The following BRSK2 variants were observed in gnomAD, a reference collection of about 807,000 sequenced individuals.
BRSK2 encodes the protein serine/threonine-protein kinase BRSK2.
Under a neutral mutation model 83.3 loss-of-function variants are expected in BRSK2, and 19 were observed. The ratio of observed to expected loss-of-function variants is 0.23; its 90% CI spans 0.16 to 0.33. BRSK2 has a LOEUF of 0.33. Ranked by LOEUF, BRSK2 falls within the 10% of genes least tolerant of loss-of-function variation. The probability of loss-of-function intolerance (pLI) is 1.00; values close to 1 mark genes in which losing one functional copy is unlikely to be tolerated. For synonymous variants in BRSK2, 519 were observed against 435.4 expected, an observed-to-expected ratio of 1.19 and a Z score of -2.39; for missense variants, 798 against 1,042.3, an observed-to-expected ratio of 0.77 and a Z score of 3.23.
chr11:1,408,072 T>C (rs1847031324), intron 1 of BRSK2, among the ~76,000 whole-genome samples: 2 of 152,174 alleles, frequency 1.3e-5, no homozygotes, highest in African/African-American at 4.8e-5. Context: ...AATCCACCTT[T>C]GAGCCCCATA....
At chr11:1,447,655 C>G in intron 12 of BRSK2, 2 of 768,148 alleles carry the variant, frequency 2.6e-6, no homozygotes, top group Admixed American at 4.1e-5. Context: ...TGCTGTCTGG[C>G]CCAGCCTCCT....
At chr11:1,434,164 C>G (rs988017385) in intron 1 of BRSK2, among the ~76,000 whole-genome samples, 1 of 152,248 alleles carries the variant, frequency 6.6e-6, no homozygotes, top group African/African-American at 2.4e-5. Context: ...AGCACACCCA[C>G]ACGGTCAGTA....
intron 18 of BRSK2, among the ~76,000 whole-genome samples, chr11:1,458,527 C>G (rs908735247): frequency 2.0e-5 from 3 of 152,186 alleles, no homozygotes; most frequent in African/African-American, 7.2e-5. Context: ...AGGTGGCTAG[C>G]CAGCAGGGGG....
intron 1 of BRSK2, among the ~76,000 whole-genome samples, chr11:1,413,774 C>A (rs574524573): frequency 6.6e-6 from 1 of 152,348 alleles, no homozygotes; most frequent in Non-Finnish European, 1.5e-5. Context: ...CACCCCCACT[C>A]CATCAGCCCC....
At chr11:1,404,035 C>G (rs1350929897) in intron 1 of BRSK2, among the ~76,000 whole-genome samples, 1 of 152,188 alleles carries the variant, frequency 6.6e-6, no homozygotes, top group Non-Finnish European at 1.5e-5. Flanking sequence ...TCCTGGGCTT[C>G]GCTCTTTGAC....
intron 1 of BRSK2, 63 bp from the exon 2 acceptor site, chr11:1,435,977 C>A: frequency 3.1e-6 from 4 of 1,310,330 alleles, no homozygotes; most frequent in Non-Finnish European, 4.3e-6. Context: ...CCTGCACTGT[C>A]CGGCTGGGTG....
chr11:1,423,103 T>A lies in BRSK2; in HGVS notation c.92-12937T>A, dbSNP rs1848790135. On this transcript the variant is annotated intron_variant, in intron 1 of 19. Transcript: ENST00000528841. This position sits in a 1 kb window ranked among gnomAD's most constrained non-coding sequence, Gnocchi z 6.5. The stretch of plus-strand genomic sequence containing the variant: ...AATGTCCAGGTACCTCCAGGCCCCA[T>A]GCACCCAGGACCTCCCCAAGAGCTG... Among the ~76,000 whole-genome samples the A allele has an allele frequency of 1.3e-5, 2 of 152,160 alleles. No individual in the cohort carries two copies. The highest frequency in any genetic ancestry group is 2.9e-5 in the Non-Finnish European group (2 of 68,028).
At chr11:1,411,632 A>T in intron 1 of BRSK2, 1 of 1,546,100 alleles carries the variant, frequency 6.5e-7, no homozygotes. Context: ...CCAGCCCAGC[A>T]GGTGCGTGCC....
At chr11:1,446,905 G>A (rs1432715989) in intron 12 of BRSK2, among the ~76,000 whole-genome samples, 1 of 152,146 alleles carries the variant, frequency 6.6e-6, no homozygotes, top group Non-Finnish European at 1.5e-5. Context: ...GATGTGGGGG[G>A]TGGGACAGGC....
intron 2 of BRSK2, among the ~76,000 whole-genome samples, chr11:1,437,918 A>G (rs994381633): frequency 6.6e-6 from 1 of 152,084 alleles, no homozygotes; most frequent in Non-Finnish European, 1.5e-5. Context: ...CCCAGTCCTC[A>G]GCCCTACAGG....
Position 1,438,404 on chromosome 11 carries a change from G to C in BRSK2, c.272+13G>C, listed in dbSNP as rs771096938. ...ACAAAAAATATTTGTAGGTATTGCT[G>C]GGTCTGAAGAGCTGGGGTGGCGGAG... On this transcript the variant is annotated intron_variant, in intron 3 of 19. Transcript: ENST00000528841. The surrounding 1 kb of genome is among the most constrained non-coding windows in gnomAD (Gnocchi z 6.4). 5.0e-6 allele frequency: 8 copies of C among 1,612,710 alleles called. No individual in the cohort carries two copies. The highest frequency in any genetic ancestry group is 6.8e-6 in the Non-Finnish European group (8 of 1,178,960).
intron 19 of BRSK2, among the ~76,000 whole-genome samples, chr11:1,459,960 G>A (rs569161080): frequency 6.6e-6 from 1 of 152,266 alleles, no homozygotes; most frequent in South Asian, 2.1e-4. Context: ...TCATCCACTG[G>A]GCCTCATGCA....
At chr11:1,411,056 A>C in intron 1 of BRSK2, 1 of 1,091,952 alleles carries the variant, frequency 9.2e-7, no homozygotes, top group Non-Finnish European at 1.1e-6. Flanking sequence ...CAACAGATGG[A>C]GATTTGGCAG....
In BRSK2 at chr11:1,423,542, C is replaced by T. The variant is rs1223621935; in HGVS notation, c.92-12498C>T. Among the ~76,000 whole-genome samples, 2 of 152,122 alleles carry T rather than the reference C, an allele frequency of 1.3e-5. No homozygotes were observed. The highest frequency in any genetic ancestry group is 3.9e-4 in the East Asian group (2 of 5,188). On this transcript the variant is annotated intron_variant, in intron 1 of 19. Transcript: ENST00000528841. The surrounding 1 kb of genome is among the most constrained non-coding windows in gnomAD (Gnocchi z 6.5). ...GTGAGCAGAGGACGGCACTCGCGAG[C>T]TCCCTGGGGCTCCTCAGACCCGGTC... is the stretch of plus-strand genomic sequence containing the variant.
At chr11:1,411,499 G>A (rs1422757035) in intron 1 of BRSK2, 2 of 1,495,814 alleles carry the variant, frequency 1.3e-6, no homozygotes, top group Non-Finnish European at 1.8e-6. Flanking sequence ...CCCAGGTCTG[G>A]CCCAGCGGTG....
intron 13 of BRSK2, 36 bp from the exon 14 acceptor site, chr11:1,450,551 A>G: frequency 8.1e-7 from 1 of 1,240,380 alleles, no homozygotes; most frequent in South Asian, 1.4e-5. Context: ...ACCCGCCGGG[A>G]TTGAACCAAA....
intron 1 of BRSK2, among the ~76,000 whole-genome samples, chr11:1,424,738 G>A (rs923007606): frequency 3.1e-5 from 2 of 63,894 alleles, no homozygotes; most frequent in Non-Finnish European, 6.3e-5. Flanking sequence ...AGAGGGAGTC[G>A]GGGGGGCCAG....
Position 1,390,364 on chromosome 11 carries a change from A to C in BRSK2, c.80A>C (p.Lys27Thr). 1 of 1,019,176 alleles carries C rather than the reference A, an allele frequency of 9.8e-7. No individual in the cohort carries two copies. The highest frequency in any genetic ancestry group is 9.3e-5 in the East Asian group (1 of 10,786). 63.1% of individuals were successfully genotyped at this position (1,019,176 alleles called of 1,614,324 possible). ...GPYRLEKTLG[K>T]GQTGLVKLGV... ...TACCGGCTGGAGAAGACGCTGGGCA[A>C]GGGGCAGACAGGTGCGTGCGGCCGG... Residue 27 changes from lysine to threonine, a missense_variant, in exon 1 of 20, where the codon AAG (lysine) becomes ACG (threonine). Transcript: ENST00000528841. This position sits in a 1 kb window ranked among gnomAD's most constrained non-coding sequence, Gnocchi z 6.8.
intron 4 of BRSK2, among the ~76,000 whole-genome samples, chr11:1,441,994 C>G (rs1041189428): frequency 3.8e-5 from 4 of 104,616 alleles, no homozygotes; most frequent in African/African-American, 1.6e-4. Context: ...CTGTCCCCCC[C>G]ACCCCATTAG....
Sources: gnomAD v4.1 joint callset for allele counts (sites outside exome capture counted in the v4.1 genomes callset) on GRCh38, gnomAD v4.1.1 for gene constraint, Gnocchi (gnomAD v3.1) non-coding constraint, MANE v1.5 for transcripts, NCBI Gene and HGNC (gene_info 2026-07-23, HGNC 2026-07-21) for gene names.